Variants in ENPEP observed in about 807,000 individuals in gnomAD.
ENPEP encodes AP-A.
ENPEP carries 103 observed loss-of-function variants against 114.5 expected under a neutral mutation model. The ratio of observed to expected loss-of-function variants is 0.90; its 90% CI spans 0.77 to 1.06. The LOEUF is 1.06. ENPEP is among the 50% of genes least tolerant of loss of function. The probability of loss-of-function intolerance (pLI) is 0.00; values close to 1 mark genes in which losing one functional copy is unlikely to be tolerated. For synonymous variants in ENPEP, 420 were observed against 422.0 expected (o/e 1.00, Z 0.06); for missense variants, 1,196 against 1,161.3 (o/e 1.03, Z -0.43).
At chr4:110,520,129 C>T in intron 9 of ENPEP, 56 bp downstream of exon 9, 1 of 1,593,704 alleles carries the variant, frequency 6.3e-7, no homozygotes, top group Non-Finnish European at 8.6e-7. Flanking sequence ...AAATGGCTTA[C>T]CAATCATTTT....
At chr4:110,496,543 C>T (rs1337513733) in intron 3 of ENPEP, among the ~76,000 whole-genome samples, 1 of 152,188 alleles carries the variant, frequency 6.6e-6, no homozygotes, top group Admixed American at 6.5e-5. Flanking sequence ...AGTTTTTTCA[C>T]TAATGTGCCT....
At chr4:110,501,767 G>A (rs969021844) in intron 3 of ENPEP, among the ~76,000 whole-genome samples, 7 of 152,102 alleles carry the variant, frequency 4.6e-5, no homozygotes, top group Admixed American at 6.5e-5. Context: ...GTGTCTTTAC[G>A]GCAGAACAGT....
chr4:110,553,684 T>C (rs1213973023), intron 18 of ENPEP, among the ~76,000 whole-genome samples: 1 of 152,062 alleles, frequency 6.6e-6, no homozygotes, highest in African/African-American at 2.4e-5. Context: ...GATTCTGAGA[T>C]CTGGAAGACT....
At chr4:110,532,830 A>G (rs1215641178) in intron 11 of ENPEP, among the ~76,000 whole-genome samples, 1 of 152,134 alleles carries the variant, frequency 6.6e-6, no homozygotes, top group Non-Finnish European at 1.5e-5. Context: ...GAATTCCCAG[A>G]TCAATGCCAC....
In ENPEP at chr4:110,529,316, T is replaced by A. The variant is rs148699440; in HGVS notation, c.1728-1882T>A. 2.7e-3 allele frequency among the ~76,000 whole-genome samples: 404 copies of A among 152,310 alleles called. 1 individual carries two copies. The highest frequency in any genetic ancestry group is 9.3e-3 in the African/African-American group (386 of 41,558). On this transcript the variant is annotated intron_variant, in intron 10 of 19. Coordinates refer to ENST00000265162, the MANE Select transcript of ENPEP (RefSeq NM_001977.4). ...GTGCAAGTGAGGTATATAGGTAAGA[T>A]GTGGCATCTTAGGAATGTTCTTTGT...
intron 11 of ENPEP, among the ~76,000 whole-genome samples, chr4:110,533,833 A>G (rs548747935): frequency 1.3e-5 from 2 of 152,126 alleles, no homozygotes; most frequent in Non-Finnish European, 1.5e-5. Flanking sequence ...CTTATTTGTT[A>G]TTGTTGTTCT....
At chr4:110,502,542 T>C (rs922614987) in intron 3 of ENPEP, among the ~76,000 whole-genome samples, 1 of 152,188 alleles carries the variant, frequency 6.6e-6, no homozygotes, top group Non-Finnish European at 1.5e-5. Flanking sequence ...CTTATCCCTA[T>C]TGCTTCTTTC....
intron 10 of ENPEP, among the ~76,000 whole-genome samples, chr4:110,527,710 CTATT>C (rs1726250266): frequency 6.6e-6 from 1 of 152,104 alleles, no homozygotes; most frequent in Admixed American, 6.6e-5. Flanking sequence ...ATTAGATTAA[CTATT>C]TAATACTGCT....
chr4:110,484,770 T>TTA (rs34624302), intron 1 of ENPEP, among the ~76,000 whole-genome samples: 71,055 of 142,458 alleles, frequency 0.5, 17,860 homozygotes, highest in African/African-American at 0.56. Flanking sequence ...ATATATTATA[T>TTA]TATATATATA....
At chr4:110,509,998 A>T (rs1243186875) in intron 5 of ENPEP, among the ~76,000 whole-genome samples, 191 bp downstream of exon 5, 1 of 152,224 alleles carries the variant, frequency 6.6e-6, no homozygotes, top group East Asian at 1.9e-4. Context: ...GCCTTTAGGA[A>T]ATATGCACGA....
chr4:110,523,396 A>G (rs888756863), intron 10 of ENPEP, among the ~76,000 whole-genome samples: 3 of 152,110 alleles, frequency 2.0e-5, no homozygotes, highest in Non-Finnish European at 4.4e-5. Context: ...AACTGTGAGT[A>G]AATTAAACCT....
rs1025181229 is a variant in ENPEP, at chr4:110,509,809, T to A, written c.1194+2T>A. On this transcript the variant is annotated splice_donor_variant, in intron 5 of 19. Coordinates refer to ENST00000265162, the MANE Select transcript of ENPEP (RefSeq NM_001977.4). LOFTEE classifies it high-confidence loss of function. ...GTTGCCCATGAACTTGTGCATCAGG[T>A]ACAGAATCTTAGCACTGAATCAGCT... 1.1e-5 allele frequency: 17 copies of A among 1,611,612 alleles called. No homozygotes were observed. The highest frequency in any genetic ancestry group is 1.4e-5 in the Non-Finnish European group (16 of 1,179,404).
At chr4:110,504,041 G>C (rs991284096) in intron 3 of ENPEP, among the ~76,000 whole-genome samples, 1 of 152,178 alleles carries the variant, frequency 6.6e-6, no homozygotes, top group Non-Finnish European at 1.5e-5. Flanking sequence ...TGGCACTCCT[G>C]GGCTGCTCAC....
intron 4 of ENPEP, among the ~76,000 whole-genome samples, chr4:110,507,955 A>G (rs1234611576): frequency 2.6e-5 from 4 of 152,224 alleles, no homozygotes; most frequent in African/African-American, 9.6e-5. Flanking sequence ...AGGTGACAGA[A>G]GACCTCATCT....
At position 110,534,504 on chromosome 4, in the gene ENPEP, C is replaced by CTTTTTTTTTTTTTTTTT; in HGVS notation, c.1807+3231_1807+3247dup. On this transcript the variant is annotated intron_variant, in intron 11 of 19. Coordinates refer to ENST00000265162, the MANE Select transcript of ENPEP (RefSeq NM_001977.4). ...CATATGTTCTCTCTTTTCGTTGTTT[C>CTTTTTTTTTTTTTTTTT]TTTTTTTTTTTTTTTTTTTTGGGAC... 7.6e-5 allele frequency among the ~76,000 whole-genome samples: 4 copies of CTTTTTTTTTTTTTTTTT among 52,290 alleles called. 1 individual carries two copies. The highest frequency in any genetic ancestry group is 7.0e-5 in the Non-Finnish European group (2 of 28,468). 34.3% of individuals were successfully genotyped at this position (52,290 alleles called of 152,430 possible). A position where few individuals can be genotyped will look rare whatever the true frequency, so the allele number is the denominator to read the frequency against.
rs750756522 is a variant in ENPEP, at chr4:110,476,521, C to A, written c.107C>A (p.Ala36Asp). 21 of 1,602,688 alleles carry A rather than the reference C, an allele frequency of 1.3e-5. No individual in the cohort carries two copies. The Middle Eastern group carries it at 5.0e-4, about 38-fold the overall frequency. Reference sequence around the variant, plus strand: ...GGTGTAGGATTAATAGTGGGACTTGCCGTGGGCTTGACCAGATCGTGTGAC... The same window carrying A: ...GGTGTAGGATTAATAGTGGGACTTGACGTGGGCTTGACCAGATCGTGTGAC... ...VVGVGLIVGL[A>D]VGLTRSCDSS... The change falls in exon 1 of 20, where the codon GCC becomes GAC. Residue 36 changes from alanine to aspartate, a missense_variant. Coordinates refer to ENST00000265162, the MANE Select transcript of ENPEP (RefSeq NM_001977.4).
rs983349322 is a variant in ENPEP, at chr4:110,562,916, C to A, written c.*1358C>A. On this transcript the variant is annotated 3_prime_UTR_variant, in exon 20 of 20. Transcript: ENST00000265162. ...AACCTTAGCTTTAACTTTATTTATA[C>A]AATAATGTGCCCTAATCATGTACTC... 1 of 152,050 alleles carries A rather than the reference C, an allele frequency of 6.6e-6. No individual in the cohort carries two copies. The allele number at this position is 152,050 out of a possible 1,614,324, so 9.4% of individuals were successfully genotyped here.
At position 110,530,616 on chromosome 4, in the gene ENPEP, A is replaced by C. The variant is rs867267206; in HGVS notation, c.1728-582A>C. Among the ~76,000 whole-genome samples the C allele has an allele frequency of 3.7e-4, 57 of 152,208 alleles. 1 individual carries two copies. Among genetic ancestry groups the C allele is most frequent in the African/African-American group, 1.2e-3 (51 of 41,458 alleles). ...TAAGTAGCTAAAGAGAAGCACTGAA[A>C]ACTCCTGAAACATGCTTACCTGATG... On this transcript the variant is annotated intron_variant, in intron 10 of 19. Coordinates refer to ENST00000265162, the MANE Select transcript of ENPEP (RefSeq NM_001977.4).
At chr4:110,507,799 A>C (rs1725425697) in intron 4 of ENPEP, among the ~76,000 whole-genome samples, 1 of 152,060 alleles carries the variant, frequency 6.6e-6, no homozygotes, top group Middle Eastern at 3.4e-3. Context: ...ACATGGTGAA[A>C]CCCCATCGCT....
Sources: gnomAD v4.1 joint callset for allele counts (sites outside exome capture counted in the v4.1 genomes callset) on GRCh38, gnomAD v4.1.1 for gene constraint, MANE v1.5 for transcripts, NCBI Gene and HGNC (gene_info 2026-07-23, HGNC 2026-07-21) for gene names.